NTRK3: variants seen among roughly 807,000 people sequenced by gnomAD.
NTRK3 encodes the protein neurotrophic receptor tyrosine kinase 3.
Under a neutral mutation model 91.7 loss-of-function variants are expected in NTRK3, and 24 were observed. The observed-to-expected ratio is 0.26, with a 90% CI of 0.19 to 0.37. NTRK3 has a LOEUF of 0.37. NTRK3 is among the 10% of genes least tolerant of loss of function. The pLI is 1.00. For synonymous variants in NTRK3, 483 were observed against 404.0 expected, an observed-to-expected ratio of 1.20 and a Z score of -2.34; for missense variants, 880 against 1,068.9, an observed-to-expected ratio of 0.82 and a Z score of 2.46.
At chr15:87,981,445 T>C in intron 14 of NTRK3, 2 of 1,592,950 alleles carry the variant, frequency 1.3e-6, no homozygotes, top group Middle Eastern at 1.7e-4. Context: ...TTTTCTTAAG[T>C]GCACAATGCC....
chr15:88,052,424 C>T (rs930276107), intron 13 of NTRK3, among the ~76,000 whole-genome samples: 3 of 152,180 alleles, frequency 2.0e-5, no homozygotes, highest in Non-Finnish European at 2.9e-5. Flanking sequence ...TCAGTCAGAC[C>T]GAAAAGCCAA....
At chr15:88,122,737 TTA>T (rs1483633475) in intron 13 of NTRK3, among the ~76,000 whole-genome samples, 43 of 152,272 alleles carry the variant, frequency 2.8e-4, no homozygotes, top group Middle Eastern at 3.4e-3. Context: ...GGGGAATTGT[TTA>T]TGAGTTTTCC....
chr15:87,892,593 C>T (rs145770065), intron 17 of NTRK3, among the ~76,000 whole-genome samples: 198 of 152,062 alleles, frequency 1.3e-3, no homozygotes, highest in African/African-American at 4.2e-3. Flanking sequence ...ATTTTGTCGA[C>T]GACTTTTTTG....
intron 14 of NTRK3, among the ~76,000 whole-genome samples, chr15:87,944,546 G>T (rs1286823315): frequency 1.3e-5 from 2 of 152,164 alleles, no homozygotes; most frequent in Non-Finnish European, 2.9e-5. Context: ...GCCAAAGAAG[G>T]ACTCTCTTGT....
chr15:88,146,790 T>G (rs2042928374), intron 6 of NTRK3, among the ~76,000 whole-genome samples: 2 of 152,242 alleles, frequency 1.3e-5, no homozygotes, highest in East Asian at 1.9e-4. Context: ...TTATGAGTGG[T>G]GAAAAGACAT....
intron 13 of NTRK3, among the ~76,000 whole-genome samples, chr15:88,107,677 A>G (rs554956459): frequency 6.6e-6 from 1 of 152,290 alleles, no homozygotes; most frequent in Non-Finnish European, 1.5e-5. Context: ...CCCAAGGCCT[A>G]TCCATTTGCA....
chr15:88,095,230 G>A (rs2049461512), intron 13 of NTRK3, among the ~76,000 whole-genome samples: 1 of 152,208 alleles, frequency 6.6e-6, no homozygotes, highest in South Asian at 2.1e-4. Context: ...GCCCTGGTTG[G>A]AAAGCCACAT....
chr15:87,872,031 G>C (rs1187005059), exon 19 of NTRK3: 7 of 221,682 alleles, frequency 3.2e-5, no homozygotes, highest in Middle Eastern at 1.3e-3. Flanking sequence ...CAAAAACACA[G>C]TGACTTCAGC....
intron 14 of NTRK3, among the ~76,000 whole-genome samples, chr15:87,983,201 A>C (rs1489540566): frequency 6.6e-6 from 1 of 152,238 alleles, no homozygotes; most frequent in Admixed American, 6.5e-5. Flanking sequence ...TGGCTGTGGA[A>C]AAAAGCATTT....
At chr15:88,046,884 A>T (rs1012467572) in intron 13 of NTRK3, among the ~76,000 whole-genome samples, 2 of 152,246 alleles carry the variant, frequency 1.3e-5, no homozygotes, top group African/African-American at 4.8e-5. Context: ...CAGCATGTGC[A>T]GGTATAAATG....
chr15:87,965,629 C>T (rs1487693849), intron 14 of NTRK3, among the ~76,000 whole-genome samples: 2 of 152,204 alleles, frequency 1.3e-5, no homozygotes, highest in African/African-American at 4.8e-5. Flanking sequence ...GTTTATTCAC[C>T]AGGCAGTGGA....
intron 14 of NTRK3, among the ~76,000 whole-genome samples, chr15:87,968,968 T>G (rs1371997200): frequency 6.6e-6 from 1 of 152,138 alleles, no homozygotes; most frequent in African/African-American, 2.4e-5. Context: ...CAGTTTTTAT[T>G]TAACCTTTTA....
At chr15:87,878,133 T>A (rs1379754407) in intron 18 of NTRK3, among the ~76,000 whole-genome samples, 2 of 152,160 alleles carry the variant, frequency 1.3e-5, no homozygotes, top group African/African-American at 4.8e-5. Context: ...CTGCATAACT[T>A]TGGTCAAGTC....
intron 3 of NTRK3, among the ~76,000 whole-genome samples, chr15:88,221,560 G>T (rs1321350212): frequency 1.3e-5 from 2 of 152,228 alleles, no homozygotes; most frequent in Non-Finnish European, 2.9e-5. Context: ...GGAGGCTGAG[G>T]CAGGTGGATC....
chr15:88,135,519 A>G, intron 9 of NTRK3, 122 bp from the exon 10 acceptor site: 2 of 1,119,624 alleles, frequency 1.8e-6, no homozygotes, highest in Non-Finnish European at 2.6e-6. Flanking sequence ...GGCTGAGGGA[A>G]GCAGAAGTCC....
chr15:87,904,360 G>A (rs1425898686), intron 17 of NTRK3, among the ~76,000 whole-genome samples: 3 of 151,456 alleles, frequency 2.0e-5, no homozygotes, highest in Admixed American at 6.6e-5. Flanking sequence ...GTTTCACCAT[G>A]TTGGACAAGA....
chr15:88,198,786 G>C (rs2048047547), intron 3 of NTRK3, among the ~76,000 whole-genome samples: 1 of 152,172 alleles, frequency 6.6e-6, no homozygotes, highest in Non-Finnish European at 1.5e-5. Context: ...GTGGGAAAGA[G>C]CTGTCTAAGT....
At chr15:87,929,047 CAA>C in intron 17 of NTRK3, 142 bp downstream of exon 17, 1 of 1,249,112 alleles carries the variant, frequency 8.0e-7, no homozygotes, top group Non-Finnish European at 1.2e-6. Flanking sequence ...CAAGAGAGGC[CAA>C]AAGATAACTG....
chr15:88,134,408 CAAT>C (rs1382066694), intron 10 of NTRK3, among the ~76,000 whole-genome samples: 1 of 152,182 alleles, frequency 6.6e-6, no homozygotes, highest in Non-Finnish European at 1.5e-5. Context: ...TCAGTAATTT[CAAT>C]AATTTTTCCT....
Sources: gnomAD v4.1 joint callset for allele counts (sites outside exome capture counted in the v4.1 genomes callset) on GRCh38, gnomAD v4.1.1 for gene constraint, MANE v1.5 for transcripts, NCBI Gene and HGNC (gene_info 2026-07-23, HGNC 2026-07-21) for gene names.